Variants in MYZAP observed in about 807,000 individuals in gnomAD.
MYZAP encodes GRINL1A complex locus upstream.
MYZAP carries 66 observed loss-of-function variants against 69.4 expected under a neutral mutation model. The observed-to-expected ratio is 0.95, with a 90% CI of 0.78 to 1.17. The LOEUF (loss-of-function observed/expected upper bound fraction) is 1.17, where lower values mean the gene tolerates loss of function less well. Ranked by LOEUF, MYZAP falls within the 50% of genes most tolerant of loss-of-function variation. The pLI, the probability that MYZAP is intolerant of heterozygous loss-of-function variation, is 0.00. For missense variants in MYZAP, 611 were observed against 556.2 expected (o/e 1.10, Z -0.99); for synonymous variants, 256 against 205.9 (o/e 1.24, Z -2.09).
At chr15:57,658,648 A>G (rs2038123578) in intron 10 of MYZAP, among the ~76,000 whole-genome samples, 3 of 152,162 alleles carry the variant, frequency 2.0e-5, no homozygotes, top group African/African-American at 7.2e-5. Context: ...CCTTTTCGGA[A>G]AGGCAAGAAC....
chr15:57,668,928 T>A (rs1202433606), intron 11 of MYZAP, among the ~76,000 whole-genome samples: 6 of 149,118 alleles, frequency 4.0e-5, no homozygotes, highest in Non-Finnish European at 8.9e-5. Flanking sequence ...CTTGCACAGA[T>A]ACCCAAGCTG....
chr15:57,674,950 T>A lies in MYZAP; in HGVS notation c.1204-18T>A. 6.3e-7 allele frequency: 1 copy of A among 1,596,826 alleles called. No individual in the cohort carries two copies. ...ACATATTTGACTTACTGAAAGTACCTTTTTTTCTCATCTCCAGAATAATGA... is the reference window on the plus strand; with the variant it reads ...ACATATTTGACTTACTGAAAGTACCATTTTTTCTCATCTCCAGAATAATGA... On this transcript the variant is annotated intron_variant, in intron 11 of 12. Coordinates refer to ENST00000267853, the MANE Select transcript of MYZAP (RefSeq NM_001018100.5).
chr15:57,617,661 G>A (rs1046002752), intron 2 of MYZAP, among the ~76,000 whole-genome samples: 11 of 152,208 alleles, frequency 7.2e-5, no homozygotes, highest in Admixed American at 5.2e-4. Flanking sequence ...TGAGGTTGAA[G>A]TCATATGGAG....
intron 3 of MYZAP, among the ~76,000 whole-genome samples, chr15:57,620,639 G>A (rs2035747789): frequency 6.6e-6 from 1 of 152,226 alleles, no homozygotes; most frequent in Admixed American, 6.5e-5. Context: ...TATATTTACT[G>A]CCTTGCGTGT....
intron 10 of MYZAP, among the ~76,000 whole-genome samples, chr15:57,655,843 C>T (rs1156323628): frequency 2.0e-5 from 3 of 152,130 alleles, no homozygotes; most frequent in Non-Finnish European, 4.4e-5. Context: ...TATTTTTCCC[C>T]TTGTTCTATA....
At chr15:57,667,778 A>G (rs1438794819) in intron 11 of MYZAP, among the ~76,000 whole-genome samples, 6 of 152,144 alleles carry the variant, frequency 3.9e-5, no homozygotes, top group African/African-American at 7.2e-5. Flanking sequence ...ATTAACTTAC[A>G]TAAGTAAGTG....
intron 1 of MYZAP, among the ~76,000 whole-genome samples, chr15:57,598,991 C>G (rs2034240716): frequency 6.6e-6 from 1 of 152,214 alleles, no homozygotes; most frequent in Admixed American, 6.5e-5. Flanking sequence ...GATTAGTGTT[C>G]TTCTTCCTAT....
At chr15:57,631,182 T>C (rs118001599) in intron 6 of MYZAP, among the ~76,000 whole-genome samples, 5,223 of 151,838 alleles carry the variant, frequency 0.034, 129 homozygotes, top group South Asian at 0.088. Context: ...TTTAAGTAAT[T>C]TTTTTCAGCT....
chr15:57,658,391 A>G (rs1226037429), intron 10 of MYZAP, among the ~76,000 whole-genome samples: 1 of 152,212 alleles, frequency 6.6e-6, no homozygotes, highest in East Asian at 1.9e-4. Flanking sequence ...ATTATTTAAT[A>G]CCAACCTGCA....
chr15:57,632,772 G>A (rs1020570414), intron 7 of MYZAP, among the ~76,000 whole-genome samples: 6 of 151,928 alleles, frequency 3.9e-5, no homozygotes, highest in African/African-American at 1.2e-4. Context: ...ATAGCCCCTT[G>A]TCTCTGTCTC....
At chr15:57,597,499 G>A (rs2034138031) in intron 1 of MYZAP, among the ~76,000 whole-genome samples, 1 of 152,164 alleles carries the variant, frequency 6.6e-6, no homozygotes, top group Non-Finnish European at 1.5e-5. Flanking sequence ...TGAGCCTTGT[G>A]GGATGAAGGG....
chr15:57,645,951 T>C (rs531709760), intron 10 of MYZAP, among the ~76,000 whole-genome samples: 77 of 152,250 alleles, frequency 5.1e-4, no homozygotes, highest in Non-Finnish European at 1.1e-3. Context: ...TGGCACACAA[T>C]TTAATTCAAA....
rs376738483 is a variant in MYZAP at position 57,661,538 on chromosome 15, G to A, written c.1203+5G>A. On this transcript the variant is annotated splice_donor_5th_base_variant and intron_variant, in intron 11 of 12. Coordinates refer to ENST00000267853, the MANE Select transcript of MYZAP (RefSeq NM_001018100.5). Reference sequence around the variant, plus strand: ...ATATCTTTCTTAGAAGGAGAGGTAAGGATCTCTGTTTCTTTAAGTTGGTGT... The same window carrying A: ...ATATCTTTCTTAGAAGGAGAGGTAAAGATCTCTGTTTCTTTAAGTTGGTGT... The A allele has an allele frequency of 1.9e-6, 3 of 1,605,768 alleles. No individual in the cohort carries two copies. The highest frequency in any genetic ancestry group is 8.5e-7 in the Non-Finnish European group (1 of 1,176,864).
chr15:57,669,831 C>T (rs11071342), intron 11 of MYZAP, among the ~76,000 whole-genome samples: 136,456 of 152,170 alleles, frequency 0.9, 62,374 homozygotes, highest in Non-Finnish European at 0.98. Context: ...CTTTGATATA[C>T]TTTACTTTTA....
At chr15:57,653,864 G>T (rs893122742) in intron 10 of MYZAP, among the ~76,000 whole-genome samples, 1 of 151,632 alleles carries the variant, frequency 6.6e-6, no homozygotes, top group African/African-American at 2.4e-5. Context: ...AATTAGCCAG[G>T]CATAGTTGAT....
chr15:57,644,404 C>T (rs2037333586), intron 10 of MYZAP, among the ~76,000 whole-genome samples: 1 of 152,056 alleles, frequency 6.6e-6, no homozygotes, highest in African/African-American at 2.4e-5. Flanking sequence ...TCTTGCCAGC[C>T]CCTGGTCCTG....
At chr15:57,660,323 G>A (rs1296398832) in intron 10 of MYZAP, among the ~76,000 whole-genome samples, 1 of 152,078 alleles carries the variant, frequency 6.6e-6, no homozygotes, top group Non-Finnish European at 1.5e-5. Flanking sequence ...TTTAAAATTT[G>A]TTTTGTTTTC....
At chr15:57,612,953 A>G (rs1354857952) in intron 2 of MYZAP, among the ~76,000 whole-genome samples, 1 of 150,790 alleles carries the variant, frequency 6.6e-6, no homozygotes, top group Admixed American at 6.6e-5. Flanking sequence ...TTTTTCCGAG[A>G]CGGAGTCTCG....
chr15:57,649,582 T>G (rs2037623720), intron 10 of MYZAP, among the ~76,000 whole-genome samples: 1 of 152,234 alleles, frequency 6.6e-6, no homozygotes, highest in Non-Finnish European at 1.5e-5. Flanking sequence ...TTGTAGGAAC[T>G]CTACATCTTA....
Sources: gnomAD v4.1 joint callset for allele counts (sites outside exome capture counted in the v4.1 genomes callset) on GRCh38, gnomAD v4.1.1 for gene constraint, MANE v1.5 for transcripts, NCBI Gene and HGNC (gene_info 2026-07-23, HGNC 2026-07-21) for gene names.